The following SGCZ variants were observed in gnomAD, a reference collection of about 807,000 sequenced individuals.
SGCZ encodes the protein sarcoglycan zeta.
A neutral mutation model predicts 41.3 loss-of-function variants in SGCZ; 40 were observed. The observed-to-expected ratio is 0.97, with a 90% CI of 0.75 to 1.26. SGCZ has a LOEUF of 1.26. Among genes scored for constraint, SGCZ ranks in the 50% most tolerant of loss-of-function variants. The pLI, the probability that SGCZ is intolerant of heterozygous loss-of-function variation, is 0.00. For missense variants in SGCZ, 552 were observed against 369.8 expected (o/e 1.49, Z -4.04); for synonymous variants, 206 against 137.5 (o/e 1.50, Z -3.49).
chr8:14,571,140 G>A (rs1025417777), intron 1 of SGCZ, among the ~76,000 whole-genome samples: 1 of 152,098 alleles, frequency 6.6e-6, no homozygotes, highest in Non-Finnish European at 1.5e-5. Flanking sequence ...GAAGGTGAAG[G>A]AGAAGCAAGT....
At chr8:15,025,968 A>G (rs1184090792) in intron 1 of SGCZ, among the ~76,000 whole-genome samples, 1 of 152,176 alleles carries the variant, frequency 6.6e-6, no homozygotes, top group African/African-American at 2.4e-5. Context: ...AATATTACAT[A>G]TATCATAGAG....
chr8:14,322,420 A>G (rs549503298), intron 3 of SGCZ, among the ~76,000 whole-genome samples: 44 of 152,176 alleles, frequency 2.9e-4, no homozygotes, highest in African/African-American at 9.1e-4. Context: ...AAGTGGCTCC[A>G]CCTCACACGT....
chr8:14,688,825 C>T (rs1343896359), intron 1 of SGCZ, among the ~76,000 whole-genome samples: 2 of 152,076 alleles, frequency 1.3e-5, no homozygotes, highest in African/African-American at 2.4e-5. Flanking sequence ...GTCAAGCTGT[C>T]CCTGTTTGCA....
chr8:14,444,600 G>C lies in SGCZ; in HGVS notation c.234+110132C>G, dbSNP rs186263809. On this transcript the variant is annotated intron_variant, in intron 2 of 7. Transcript: ENST00000382080. ...CACCACATATTCTCACTCACAGGTG[G>C]GAATTGAAAAATGAGAACACATGGA... Among the ~76,000 whole-genome samples, 133 of 149,060 alleles carry C rather than the reference G, an allele frequency of 8.9e-4. 1 individual carries two copies. The highest frequency in any genetic ancestry group is 1.7e-3 in the Non-Finnish European group (114 of 67,558).
At chr8:14,962,849 C>T (rs185283677) in intron 1 of SGCZ, among the ~76,000 whole-genome samples, 176 of 152,222 alleles carry the variant, frequency 1.2e-3, no homozygotes, top group African/African-American at 4.1e-3. Flanking sequence ...ATCATTTCTG[C>T]CATATATTGT....
intron 1 of SGCZ, among the ~76,000 whole-genome samples, chr8:15,160,231 G>A (rs1335210537): frequency 6.6e-6 from 1 of 152,086 alleles, no homozygotes; most frequent in East Asian, 1.9e-4. Context: ...TTGTCTTTTT[G>A]TGGCAGGATA....
chr8:14,632,365 A>T (rs1174176562), intron 1 of SGCZ, among the ~76,000 whole-genome samples: 1 of 152,044 alleles, frequency 6.6e-6, no homozygotes, highest in Non-Finnish European at 1.5e-5. Context: ...CCATTATTAA[A>T]ATATGTGGAT....
intron 1 of SGCZ, among the ~76,000 whole-genome samples, chr8:14,974,171 G>T (rs1801388142): frequency 1.3e-5 from 2 of 152,264 alleles, no homozygotes; most frequent in South Asian, 2.1e-4. Context: ...TTAAATTTCA[G>T]TGTAGAAAAG....
intron 2 of SGCZ, among the ~76,000 whole-genome samples, chr8:14,449,508 A>C (rs533334072): frequency 6.6e-6 from 1 of 152,100 alleles, no homozygotes; most frequent in African/African-American, 2.4e-5. Flanking sequence ...TCATGTTCCA[A>C]TGTGTCCTCA....
chr8:14,479,731 C>CTTCTTTTTTT (rs1421864084), intron 2 of SGCZ, among the ~76,000 whole-genome samples: 3 of 52,974 alleles, frequency 5.7e-5, no homozygotes, highest in African/African-American at 1.5e-4. Context: ...AATTCTACTT[C>CTTCTTTTTTT]TTTTTTTTTT....
chr8:14,895,314 GC>G (rs1414900283), intron 1 of SGCZ, among the ~76,000 whole-genome samples: 2 of 152,024 alleles, frequency 1.3e-5, no homozygotes, highest in Non-Finnish European at 2.9e-5. Context: ...CTTAAATGGG[GC>G]CAAAATTGAA....
intron 1 of SGCZ, among the ~76,000 whole-genome samples, chr8:14,573,648 T>C (rs1196063696): frequency 5.9e-5 from 9 of 152,216 alleles, no homozygotes; most frequent in Admixed American, 3.9e-4. Context: ...TGTTCTCTTA[T>C]GGCAGGAGAG....
intron 1 of SGCZ, among the ~76,000 whole-genome samples, chr8:14,719,567 C>T (rs900980036): frequency 2.0e-5 from 3 of 151,988 alleles, no homozygotes; most frequent in Non-Finnish European, 4.4e-5. Flanking sequence ...GAGATGGTAT[C>T]TCATTGTGGT....
At chr8:14,138,527 G>GAAA (rs1563148236) in intron 5 of SGCZ, among the ~76,000 whole-genome samples, 4 of 27,866 alleles carry the variant, frequency 1.4e-4, no homozygotes, top group African/African-American at 6.9e-4. Flanking sequence ...AAAAAAAAAG[G>GAAA]GGGGGTTGCA....
chr8:14,903,742 G>A (rs1026584532), intron 1 of SGCZ, among the ~76,000 whole-genome samples: 2 of 151,988 alleles, frequency 1.3e-5, no homozygotes, highest in Admixed American at 1.3e-4. Flanking sequence ...GACAGTCAGA[G>A]TACATTATAT....
chr8:14,145,497 C>G (rs892458953), intron 5 of SGCZ, among the ~76,000 whole-genome samples: 1 of 152,140 alleles, frequency 6.6e-6, no homozygotes. Flanking sequence ...AGTGGAGACT[C>G]TAACAAATAC....
chr8:14,463,581 G>C (rs866524681), intron 2 of SGCZ, among the ~76,000 whole-genome samples: 1 of 151,504 alleles, frequency 6.6e-6, no homozygotes, highest in Non-Finnish European at 1.5e-5. Context: ...ACTGGATTTG[G>C]TAATGATTTC....
chr8:14,561,397 A>C (rs1188000549), intron 1 of SGCZ, among the ~76,000 whole-genome samples: 1 of 152,164 alleles, frequency 6.6e-6, no homozygotes, highest in Non-Finnish European at 1.5e-5. Flanking sequence ...AGAGTTGATC[A>C]CAATTTTCTG....
At chr8:15,149,020 T>C (rs929271469) in intron 1 of SGCZ, among the ~76,000 whole-genome samples, 9 of 152,166 alleles carry the variant, frequency 5.9e-5, no homozygotes, top group African/African-American at 2.2e-4. Context: ...CACAGGACAC[T>C]ACACAGAATT....
Sources: gnomAD v4.1 joint callset for allele counts (sites outside exome capture counted in the v4.1 genomes callset) on GRCh38, gnomAD v4.1.1 for gene constraint, MANE v1.5 for transcripts, NCBI Gene and HGNC (gene_info 2026-07-23, HGNC 2026-07-21) for gene names.